The following ARHGEF4 variants were observed in gnomAD, a reference collection of about 807,000 sequenced individuals.
ARHGEF4 encodes APC-stimulated guanine nucleotide exchange factor 1.
ARHGEF4 carries 119 observed loss-of-function variants against 162.0 expected under a neutral mutation model. The observed-to-expected ratio is 0.73, with a 90% CI of 0.63 to 0.86. The LOEUF (loss-of-function observed/expected upper bound fraction) is 0.86, where lower values mean the gene tolerates loss of function less well. Ranked by LOEUF, ARHGEF4 falls within the 40% of genes least tolerant of loss-of-function variation. ARHGEF4 has a pLI of 0.00. For synonymous variants in ARHGEF4, 1,014 were observed against 979.9 expected, an observed-to-expected ratio of 1.03 and a Z score of -0.65; for missense variants, 2,488 against 2,456.0, an observed-to-expected ratio of 1.01 and a Z score of -0.28.
At chr2:131,005,286 C>T (rs1014511422) in intron 4 of ARHGEF4, among the ~76,000 whole-genome samples, 8 of 152,126 alleles carry the variant, frequency 5.3e-5, no homozygotes, top group African/African-American at 1.9e-4. Flanking sequence ...GAGGGCTCGG[C>T]CTCATTCCTC....
chr2:131,024,909 G>A (rs955647363), intron 4 of ARHGEF4, among the ~76,000 whole-genome samples: 1 of 152,162 alleles, frequency 6.6e-6, no homozygotes, highest in Non-Finnish European at 1.5e-5. Context: ...CATAATAGAA[G>A]TTTTTAAACA....
At position 130,960,352 on chromosome 2, in the gene ARHGEF4, G is replaced by C. The variant is rs79555523; in HGVS notation, c.3985+13717G>C. 7.1e-3 allele frequency among the ~76,000 whole-genome samples: 1,082 copies of C among 152,174 alleles called. 13 individuals carry two copies. The highest frequency in any genetic ancestry group is 0.024 in the African/African-American group (1,006 of 41,498). On this transcript the variant is annotated intron_variant, in intron 4 of 13. Coordinates refer to ENST00000409359, the MANE Select transcript of ARHGEF4 (RefSeq NM_001367493.1). ...CTGTGCCTTTCCTATGTTTTGATTT[G>C]TTTAGATATAAGAATACTTACCATT...
chr2:130,911,162 G>T (rs1251945345), intron 1 of ARHGEF4, among the ~76,000 whole-genome samples: 1 of 152,244 alleles, frequency 6.6e-6, no homozygotes, highest in South Asian at 2.1e-4. Flanking sequence ...GGGGCCTGCC[G>T]GTCAACACCA....
chr2:131,035,021 G>T, intron 5 of ARHGEF4: 1 of 987,426 alleles, frequency 1.0e-6, no homozygotes, highest in African/African-American at 1.8e-5. Context: ...CTCTCCCCGG[G>T]CGCTGCGGGC....
intron 2 of ARHGEF4, among the ~76,000 whole-genome samples, chr2:130,926,048 C>CTTTCTCTTTCTTTCTTTCTTTCTTTCTT: frequency 1.0e-3 from 56 of 53,430 alleles, no homozygotes; most frequent in African/African-American, 3.1e-3. Flanking sequence ...TTCTTTCTTT[C>CTTTCTCTTTCTTTCTTTCTTTCTTTCTT]TCTTTCTTTC....
intron 4 of ARHGEF4, among the ~76,000 whole-genome samples, chr2:130,976,009 C>T (rs1304496481): frequency 6.6e-6 from 1 of 152,172 alleles, no homozygotes; most frequent in Admixed American, 6.5e-5. Context: ...GGGTCCGTCA[C>T]AGGCTGGCTG....
intron 4 of ARHGEF4, among the ~76,000 whole-genome samples, chr2:130,962,870 G>A (rs989341325): frequency 1.3e-5 from 2 of 152,144 alleles, no homozygotes; most frequent in Admixed American, 6.5e-5. Flanking sequence ...CCGCTATCAC[G>A]ACTGCCCCTC....
intron 4 of ARHGEF4, among the ~76,000 whole-genome samples, chr2:130,980,610 C>T (rs528454675): frequency 6.6e-6 from 1 of 152,178 alleles, no homozygotes; most frequent in Non-Finnish European, 1.5e-5. Context: ...CATCAACACA[C>T]ATTTCTAAGA....
intron 1 of ARHGEF4, among the ~76,000 whole-genome samples, chr2:130,867,443 G>C (rs946485952): frequency 6.6e-6 from 1 of 151,738 alleles, no homozygotes; most frequent in Non-Finnish European, 1.5e-5. Flanking sequence ...TCACCATGTT[G>C]GCCAGGCTGG....
At chr2:130,906,829 C>T (rs1271769507) in intron 1 of ARHGEF4, among the ~76,000 whole-genome samples, 2 of 152,180 alleles carry the variant, frequency 1.3e-5, no homozygotes, top group African/African-American at 4.8e-5. Flanking sequence ...CAGCTAGAGT[C>T]ATTTGTCAGT....
chr2:130,916,901 C>A lies in ARHGEF4; in HGVS notation c.2955C>A (p.Asp985Glu), dbSNP rs866079453. 2.6e-6 allele frequency: 4 copies of A among 1,550,612 alleles called. No individual in the cohort carries two copies. The highest frequency in any genetic ancestry group is 1.4e-5 in the African/African-American group (1 of 73,160). Residue 985 changes from aspartate (D) to glutamate (E), a missense_variant, in exon 2 of 14, where the codon GAC (aspartate) becomes GAA (glutamate). Physicochemically the swap from Asp to Glu is conservative, Grantham distance 45 (BLOSUM62 2). Coordinates refer to ENST00000409359, the MANE Select transcript of ARHGEF4 (RefSeq NM_001367493.1). ...GPEVLSPAET[D>E]SHCEERAEDK... is the part of the protein sequence containing the mutation. ...AAGTTCTCTCCCCAGCAGAGACCGA[C>A]AGCCACTGTGAGGAACGGGCGGAGG...
chr2:130,895,117 A>G (rs549285737), intron 1 of ARHGEF4, among the ~76,000 whole-genome samples: 267 of 152,146 alleles, frequency 1.8e-3, no homozygotes, highest in Non-Finnish European at 3.2e-3. Flanking sequence ...CCCAATGCCC[A>G]TTGCTCCGCC....
intron 4 of ARHGEF4, among the ~76,000 whole-genome samples, chr2:131,006,844 C>T (rs545605525): frequency 6.6e-6 from 1 of 152,214 alleles, no homozygotes; most frequent in South Asian, 2.1e-4. Flanking sequence ...AGCAAAAGGC[C>T]AAGTCATTGG....
At chr2:130,895,366 G>A (rs1418322339) in intron 1 of ARHGEF4, among the ~76,000 whole-genome samples, 1 of 152,316 alleles carries the variant, frequency 6.6e-6, no homozygotes, top group East Asian at 1.9e-4. Flanking sequence ...TGTCTATCAT[G>A]ACTGCCTCTG....
At chr2:130,988,895 TATATATAGAG>T (rs1318585621) in intron 4 of ARHGEF4, among the ~76,000 whole-genome samples, 1,116 of 108,838 alleles carry the variant, frequency 0.01, 3 homozygotes, top group Middle Eastern at 0.028. Context: ...TATATATATA[TATATATAGAG>T]AGAGAGAGAG....
chr2:130,941,837 C>A (rs1683320864), intron 3 of ARHGEF4, among the ~76,000 whole-genome samples: 1 of 152,102 alleles, frequency 6.6e-6, no homozygotes, highest in Non-Finnish European at 1.5e-5. Flanking sequence ...GGAAGAAAAT[C>A]CATGTATAAG....
chr2:130,975,868 C>T (rs907552016), intron 4 of ARHGEF4, among the ~76,000 whole-genome samples: 5 of 152,116 alleles, frequency 3.3e-5, no homozygotes, highest in African/African-American at 4.8e-5. Flanking sequence ...CGGTCAGAGG[C>T]GGAGGACTGC....
chr2:130,901,741 G>A (rs1468217052), intron 1 of ARHGEF4, among the ~76,000 whole-genome samples: 8 of 152,022 alleles, frequency 5.3e-5, no homozygotes, highest in Non-Finnish European at 1.2e-4. Flanking sequence ...GGCTGGTCAC[G>A]TACTCCTGAC....
intron 1 of ARHGEF4, among the ~76,000 whole-genome samples, chr2:130,842,050 T>C (rs1680649378): frequency 6.6e-6 from 1 of 152,246 alleles, no homozygotes; most frequent in African/African-American, 2.4e-5. Flanking sequence ...TTCTCTGAAG[T>C]ATGTGTCTTT....
Sources: allele counts gnomAD v4.1 joint callset (sites outside exome capture counted in the v4.1 genomes callset), GRCh38; gene constraint gnomAD v4.1.1; transcripts MANE v1.5; gene names NCBI Gene and HGNC (gene_info 2026-07-23, HGNC 2026-07-21).